PTPRJ: variants seen among roughly 807,000 people sequenced by gnomAD.
PTPRJ encodes the protein receptor-type tyrosine-protein phosphatase eta.
PTPRJ carries 129 observed loss-of-function variants against 141.3 expected under a neutral mutation model. That is an observed-to-expected ratio of 0.91 (90% CI 0.79 to 1.06). The LOEUF (loss-of-function observed/expected upper bound fraction) is 1.06, where lower values mean the gene tolerates loss of function less well. Ranked by LOEUF, PTPRJ falls within the 50% of genes least tolerant of loss-of-function variation. The pLI, the probability that PTPRJ is intolerant of heterozygous loss-of-function variation, is 0.00. For missense variants in PTPRJ, 1,601 were observed against 1,679.7 expected (o/e 0.95, Z 0.82); for synonymous variants, 610 against 640.5 (o/e 0.95, Z 0.72).
chr11:47,981,724 C>T (rs563756398), intron 1 of PTPRJ, among the ~76,000 whole-genome samples: 2 of 152,238 alleles, frequency 1.3e-5, no homozygotes, highest in Non-Finnish European at 2.9e-5. Flanking sequence ...TAATGCTGTC[C>T]CTGGCGTTTT....
intron 1 of PTPRJ, among the ~76,000 whole-genome samples, chr11:48,084,279 G>T (rs1276329609): frequency 6.6e-6 from 1 of 152,076 alleles, no homozygotes; most frequent in Non-Finnish European, 1.5e-5. Context: ...GGGTTCAAGC[G>T]ATTCTCCTGC....
At chr11:48,008,635 G>A (rs1590400005) in intron 1 of PTPRJ, among the ~76,000 whole-genome samples, 1 of 151,698 alleles carries the variant, frequency 6.6e-6, no homozygotes, top group Admixed American at 6.6e-5. Flanking sequence ...TGTGGTCTTG[G>A]CTCACTGCAA....
At chr11:47,990,097 G>C (rs1854149502) in intron 1 of PTPRJ, among the ~76,000 whole-genome samples, 1 of 152,128 alleles carries the variant, frequency 6.6e-6, no homozygotes, top group South Asian at 2.1e-4. Context: ...GAGTATTTCT[G>C]ATTGTGCCAC....
chr11:48,062,512 CA>C (rs796280456), intron 1 of PTPRJ, among the ~76,000 whole-genome samples: 5 of 144,934 alleles, frequency 3.4e-5, no homozygotes, highest in South Asian at 2.2e-4. Flanking sequence ...GACTCCATCT[CA>C]AAAAAAAAAC....
intron 3 of PTPRJ, 72 bp from the exon 4 acceptor site, chr11:48,120,931 A>AT (rs1277886373): frequency 2.9e-6 from 4 of 1,355,988 alleles, no homozygotes; most frequent in Non-Finnish European, 4.0e-6. Context: ...GAAACTAGAC[A>AT]TATAGAGCAG....
intron 1 of PTPRJ, among the ~76,000 whole-genome samples, chr11:47,985,221 C>T (rs1248952355): frequency 6.6e-6 from 1 of 152,034 alleles, no homozygotes; most frequent in Non-Finnish European, 1.5e-5. Flanking sequence ...AAACGTAATT[C>T]ACTGCAATCT....
intron 1 of PTPRJ, among the ~76,000 whole-genome samples, chr11:48,107,829 T>C (rs1316452958): frequency 6.6e-6 from 1 of 152,222 alleles, no homozygotes. Flanking sequence ...ATGCCTGTAA[T>C]CCCAGCACTT....
chr11:48,058,893 G>T (rs1306985699), intron 1 of PTPRJ, among the ~76,000 whole-genome samples: 3 of 152,078 alleles, frequency 2.0e-5, no homozygotes, highest in Admixed American at 6.6e-5. Flanking sequence ...TTCATTTTGT[G>T]CCTCCTCTGC....
At chr11:48,015,447 C>T (rs921091579) in intron 1 of PTPRJ, among the ~76,000 whole-genome samples, 4 of 152,068 alleles carry the variant, frequency 2.6e-5, no homozygotes, top group East Asian at 1.9e-4. Context: ...CCCTCCATCC[C>T]GCTTTATTAT....
At chr11:48,161,196 A>AAAAAC (rs1857764046) in intron 22 of PTPRJ, among the ~76,000 whole-genome samples, 1 of 151,750 alleles carries the variant, frequency 6.6e-6, no homozygotes, top group East Asian at 1.9e-4. Context: ...AAAAAAAAAA[A>AAAAAC]AAGATAAATA....
At chr11:48,013,185 G>A (rs1854855103) in intron 1 of PTPRJ, among the ~76,000 whole-genome samples, 1 of 151,756 alleles carries the variant, frequency 6.6e-6, no homozygotes, top group Non-Finnish European at 1.5e-5. Flanking sequence ...ACAGACAGGT[G>A]ATGTTAAATT....
Position 48,163,601 on chromosome 11 carries a change from G to C in PTPRJ, c.3702G>C (p.Pro1234=), listed in dbSNP as rs753492303. ...DYMKQSPPES[P]ILVHCSAGVG... The stretch of plus-strand genomic sequence containing the variant: ...TGAAGCAGAGTCCTCCCGAATCGCC[G>C]ATTCTGGTGCATTGCAGGTACGCAG... The change falls in exon 23 of 25, where the codon CCG becomes CCC. Residue 1234 remains proline, a synonymous_variant. Coordinates refer to ENST00000418331, the MANE Select transcript of PTPRJ (RefSeq NM_002843.4). 6.2e-7 allele frequency: 1 copy of C among 1,613,748 alleles called. No individual in the cohort carries two copies. Among genetic ancestry groups the C allele is most frequent in the Admixed American group, 1.7e-5 (1 of 60,008 alleles).
chr11:48,039,302 T>C (rs953411134), intron 1 of PTPRJ, among the ~76,000 whole-genome samples: 1 of 151,958 alleles, frequency 6.6e-6, no homozygotes. Context: ...GGTTTTGTTA[T>C]TCAGGCAGTG....
intron 22 of PTPRJ, among the ~76,000 whole-genome samples, chr11:48,161,972 C>T (rs376253019): frequency 6.6e-6 from 1 of 152,160 alleles, no homozygotes; most frequent in Admixed American, 6.5e-5. Context: ...CCTTGGTTGC[C>T]TCCACTGCTT....
At chr11:48,029,218 C>T (rs1433428060) in intron 1 of PTPRJ, among the ~76,000 whole-genome samples, 1 of 152,124 alleles carries the variant, frequency 6.6e-6, no homozygotes, top group Non-Finnish European at 1.5e-5. Context: ...GTCAGGTGAG[C>T]CTCTTACACC....
chr11:48,110,363 T>C (rs887793290), intron 2 of PTPRJ, among the ~76,000 whole-genome samples: 4 of 152,018 alleles, frequency 2.6e-5, no homozygotes, highest in Admixed American at 6.5e-5. Context: ...CGTGCCACCA[T>C]GTCCGGCTAA....
intron 1 of PTPRJ, among the ~76,000 whole-genome samples, chr11:48,035,537 T>C (rs1299271281): frequency 1.0e-5 from 1 of 100,452 alleles, no homozygotes; most frequent in Non-Finnish European, 2.0e-5. Flanking sequence ...TCTTTCTTCT[T>C]CTTTTTTTTT....
intron 1 of PTPRJ, among the ~76,000 whole-genome samples, chr11:47,985,671 CATTTATTT>C (rs139376265): frequency 0.034 from 4,601 of 135,974 alleles, 109 homozygotes; most frequent in African/African-American, 0.073. Context: ...AGGTGGCAGA[CATTTATTT>C]ATTTATTTAT....
chr11:48,130,879 CAAGT>C (rs1458594785), intron 8 of PTPRJ, among the ~76,000 whole-genome samples, 163 bp downstream of exon 8: 2 of 151,030 alleles, frequency 1.3e-5, no homozygotes, highest in African/African-American at 2.4e-5. Context: ...GAAATACAGA[CAAGT>C]AAGTAGAAAA....
Sources: gnomAD v4.1 joint callset for allele counts (sites outside exome capture counted in the v4.1 genomes callset) on GRCh38, gnomAD v4.1.1 for gene constraint, MANE v1.5 for transcripts, NCBI Gene and HGNC (gene_info 2026-07-23, HGNC 2026-07-21) for gene names.